The following SI variants were observed in gnomAD, a reference collection of about 807,000 sequenced individuals.
SI encodes the protein sucrase-isomaltase, intestinal.
In SI, 235 loss-of-function variants were observed where a neutral mutation model predicts 253.3. The ratio of observed to expected loss-of-function variants is 0.93; its 90% CI spans 0.83 to 1.03. SI has a LOEUF of 1.03. SI is among the 50% of genes least tolerant of loss of function. SI has a pLI of 0.00. For synonymous variants in SI, 819 were observed against 712.0 expected (o/e 1.15, Z -2.39); for missense variants, 2,442 against 2,211.1 (o/e 1.10, Z -2.09).
At chr3:165,079,904 A>G (rs1715238945), upstream of SI, among the ~76,000 whole-genome samples, 1 of 151,906 alleles carries the variant, frequency 6.6e-6, no homozygotes, top group Non-Finnish European at 1.5e-5. Context: ...CGCCATATTC[A>G]TAGACTGCAA....
chr3:165,084,029 G>A, the SI span, among the ~76,000 whole-genome samples: 1 of 151,702 alleles, frequency 6.6e-6, no homozygotes, highest in Non-Finnish European at 1.5e-5. Context: ...AAATTCATAT[G>A]CTGAAATTCC....
At chr3:165,057,833 A>T (rs924092539) in intron 12 of SI, among the ~76,000 whole-genome samples, 1 of 152,072 alleles carries the variant, frequency 6.6e-6, no homozygotes, top group Non-Finnish European at 1.5e-5. Flanking sequence ...GTCCTATAAG[A>T]TATGCTAAAG....
chr3:164,981,547 TAC>T (rs1219034687), intron 47 of SI, among the ~76,000 whole-genome samples: 2 of 152,162 alleles, frequency 1.3e-5, no homozygotes, highest in African/African-American at 2.4e-5. Context: ...CACACAAATT[TAC>T]ACAGTTTTAG....
intron 33 of SI, among the ~76,000 whole-genome samples, chr3:165,014,028 T>C (rs1718902956): frequency 6.6e-6 from 1 of 152,180 alleles, no homozygotes; most frequent in African/African-American, 2.4e-5. Context: ...TGCCCAGCCC[T>C]GTCTATATTC....
intron 2 of SI, among the ~76,000 whole-genome samples, chr3:165,075,072 T>G (rs1714863766): frequency 2.6e-5 from 4 of 151,798 alleles, no homozygotes; most frequent in Non-Finnish European, 5.9e-5. Context: ...GGAAAGTAGG[T>G]GAAAGTTATT....
At chr3:165,040,897 T>C (rs371933329) in intron 18 of SI, 43 bp downstream of exon 18, 14 of 1,496,766 alleles carry the variant, frequency 9.4e-6, no homozygotes, top group Non-Finnish European at 1.3e-5. Flanking sequence ...TGTTTGAACA[T>C]ACTTTAAAAG....
At chr3:165,002,111 C>G (rs1718281909) in intron 37 of SI, among the ~76,000 whole-genome samples, 1 of 151,516 alleles carries the variant, frequency 6.6e-6, no homozygotes, top group Non-Finnish European at 1.5e-5. Context: ...GTACTAATCC[C>G]TAACATCTTT....
At chr3:165,015,759 T>C (rs570491198) in intron 32 of SI, among the ~76,000 whole-genome samples, 193 bp downstream of exon 32, 2 of 152,082 alleles carry the variant, frequency 1.3e-5, no homozygotes, top group African/African-American at 4.8e-5. Context: ...TCTAGGGATA[T>C]ACCTAAATAC....
intron 23 of SI, 26 bp from the exon 24 acceptor site, chr3:165,032,718 T>C (rs774800367): frequency 9.5e-6 from 14 of 1,474,108 alleles, no homozygotes; most frequent in Non-Finnish European, 1.3e-5. Flanking sequence ...TAAGATATTA[T>C]ATATTAGGTC....
intron 31 of SI, among the ~76,000 whole-genome samples, 176 bp downstream of exon 31, chr3:165,017,372 C>T (rs1285521733): frequency 6.6e-6 from 1 of 151,898 alleles, no homozygotes; most frequent in Non-Finnish European, 1.5e-5. Flanking sequence ...TTCTTCCTCT[C>T]CTTTATCAGT....
At chr3:165,039,370 T>A (rs1001368436) in intron 19 of SI, among the ~76,000 whole-genome samples, 3 of 152,024 alleles carry the variant, frequency 2.0e-5, no homozygotes, top group African/African-American at 7.3e-5. Flanking sequence ...ATTAAAATAA[T>A]GCATGCATAT....
intron 23 of SI, 24 bp downstream of exon 23, chr3:165,033,371 T>C: frequency 6.5e-7 from 1 of 1,542,034 alleles, no homozygotes; most frequent in Non-Finnish European, 8.8e-7. Flanking sequence ...TGCATTTAAG[T>C]ATATGTACAA....
At chr3:165,050,610 A>G (rs1482945571) in intron 13 of SI, among the ~76,000 whole-genome samples, 2 of 152,140 alleles carry the variant, frequency 1.3e-5, no homozygotes, top group Non-Finnish European at 2.9e-5. Flanking sequence ...CATATATCAC[A>G]GTACATATAC....
chr3:165,042,276 A>AT (rs909269321), intron 17 of SI, among the ~76,000 whole-genome samples: 1 of 151,960 alleles, frequency 6.6e-6, no homozygotes, highest in Non-Finnish European at 1.5e-5. Flanking sequence ...GTACCTTTTA[A>AT]TTTTTTTCCA....
At chr3:164,996,817 T>C in intron 38 of SI, 45 bp from the exon 39 acceptor site, 1 of 852,824 alleles carries the variant, frequency 1.2e-6, no homozygotes. Flanking sequence ...TTATTTCATA[T>C]ATTTTAATAT....
Position 164,979,369 on chromosome 3 carries a change from C to T in SI, c.5477G>A (p.Trp1826Ter). 6.3e-7 allele frequency: 1 copy of T among 1,582,588 alleles called. No homozygotes were observed. Among genetic ancestry groups the T allele is most frequent in the Non-Finnish European group, 8.7e-7 (1 of 1,152,990 alleles). The change falls in exon 48 of 48, where the codon TGG (tryptophan) becomes TAG (stop). Residue 1826 changes from tryptophan (W) to a stop codon, truncating the protein, a stop_gained. Coordinates refer to ENST00000264382, the MANE Select transcript of SI (RefSeq NM_001041.4). LOFTEE classifies it high-confidence loss of function. ...VTLEEPIEIN[W>*]S ...TAAAATTGATGGTGATCTTCATGAC[C>T]AGTTGATTTCTATTGGTTCTTCTAG...
chr3:164,979,730 A>C (rs1190609228), intron 47 of SI, among the ~76,000 whole-genome samples: 2 of 151,796 alleles, frequency 1.3e-5, no homozygotes, highest in East Asian at 3.9e-4. Flanking sequence ...CTTTTCACAT[A>C]ATTTTGAAAT....
intron 2 of SI, among the ~76,000 whole-genome samples, chr3:165,075,241 G>C (rs956092372): frequency 6.6e-6 from 1 of 151,912 alleles, no homozygotes; most frequent in Non-Finnish European, 1.5e-5. Context: ...GTTTCTGGAA[G>C]TAGGTAAAAC....
At chr3:165,087,900 C>T in the SI span, among the ~76,000 whole-genome samples, 3 of 152,058 alleles carry the variant, frequency 2.0e-5, no homozygotes, top group Non-Finnish European at 2.9e-5. Flanking sequence ...CAATGAGATA[C>T]GTACATTCTA....
Sources: gnomAD v4.1 joint callset for allele counts (sites outside exome capture counted in the v4.1 genomes callset) on GRCh38, gnomAD v4.1.1 for gene constraint, MANE v1.5 for transcripts, NCBI Gene and HGNC (gene_info 2026-07-23, HGNC 2026-07-21) for gene names.